The following NXPH1 variants were observed in gnomAD, a reference collection of about 807,000 sequenced individuals.
NXPH1 encodes the protein neurexophilin 1.
A neutral mutation model predicts 23.7 loss-of-function variants in NXPH1; 5 were observed. The ratio of observed to expected loss-of-function variants is 0.21; its 90% confidence interval spans 0.11 to 0.44. The LOEUF (loss-of-function observed/expected upper bound fraction) is 0.44, where lower values mean the gene tolerates loss of function less well. NXPH1 is among the 20% of genes least tolerant of loss of function. NXPH1 has a pLI of 0.99. For synonymous variants in NXPH1, 144 were observed against 122.2 expected (o/e 1.18, Z -1.18); for missense variants, 324 against 321.6 (o/e 1.01, Z -0.06).
At chr7:8,548,176 T>C (rs1434008641) in intron 2 of NXPH1, among the ~76,000 whole-genome samples, 1 of 151,498 alleles carries the variant, frequency 6.6e-6, no homozygotes, top group Non-Finnish European at 1.5e-5. Context: ...GAAGTTGACC[T>C]GTTTGAAATC....
At chr7:8,567,325 C>T (rs1290619812) in intron 2 of NXPH1, among the ~76,000 whole-genome samples, 2 of 151,856 alleles carry the variant, frequency 1.3e-5, no homozygotes, top group Admixed American at 6.6e-5. Context: ...CATGTTTGCG[C>T]CTCTGGTCAA....
chr7:8,689,355 C>T (rs1821193787), intron 2 of NXPH1, among the ~76,000 whole-genome samples: 2 of 151,152 alleles, frequency 1.3e-5, no homozygotes, highest in African/African-American at 2.4e-5. Context: ...AGTCAGCTCG[C>T]TGGCAGGAAA....
At chr7:8,725,133 A>G (rs560575665) in intron 2 of NXPH1, among the ~76,000 whole-genome samples, 6 of 152,312 alleles carry the variant, frequency 3.9e-5, no homozygotes, top group Non-Finnish European at 7.3e-5. Flanking sequence ...TAGTTTTCTT[A>G]TAGAAATAGT....
intron 2 of NXPH1, among the ~76,000 whole-genome samples, chr7:8,665,287 C>G (rs965791237): frequency 2.6e-5 from 4 of 151,912 alleles, no homozygotes; most frequent in Admixed American, 2.0e-4. Context: ...TGTCCTTTCC[C>G]CATTGTGTGT....
intron 2 of NXPH1, among the ~76,000 whole-genome samples, chr7:8,612,222 CT>C (rs200847778): frequency 6.7e-6 from 1 of 148,744 alleles, no homozygotes; most frequent in Non-Finnish European, 1.5e-5. Flanking sequence ...CTTTTTCTTT[CT>C]TTTTTTTACA....
intron 2 of NXPH1, among the ~76,000 whole-genome samples, chr7:8,702,877 A>T (rs1583237301): frequency 6.6e-6 from 1 of 152,058 alleles, no homozygotes; most frequent in East Asian, 1.9e-4. Flanking sequence ...TTCATATAAA[A>T]TATGTGCTCA....
At chr7:8,453,520 G>T (rs181448476) in intron 2 of NXPH1, among the ~76,000 whole-genome samples, 2 of 152,122 alleles carry the variant, frequency 1.3e-5, no homozygotes, top group African/African-American at 2.4e-5. Flanking sequence ...CTCATGAGTT[G>T]TAAAGAACCA....
At chr7:8,458,883 T>G (rs1816643032) in intron 2 of NXPH1, among the ~76,000 whole-genome samples, 2 of 152,174 alleles carry the variant, frequency 1.3e-5, no homozygotes, top group South Asian at 4.1e-4. Flanking sequence ...TTTACACAAC[T>G]GTTTGAAAAG....
At chr7:8,446,743 A>G (rs910107895) in intron 2 of NXPH1, among the ~76,000 whole-genome samples, 11 of 152,006 alleles carry the variant, frequency 7.2e-5, no homozygotes, top group Non-Finnish European at 1.0e-4. Flanking sequence ...AAATTCCACT[A>G]TGATTTCCTT....
intron 2 of NXPH1, among the ~76,000 whole-genome samples, chr7:8,504,338 C>A (rs1817487183): frequency 6.6e-6 from 1 of 151,966 alleles, no homozygotes; most frequent in East Asian, 1.9e-4. Flanking sequence ...TCCTTTCTTT[C>A]ATTTTGTTTA....
chr7:8,557,851 G>A (rs1254960785), intron 2 of NXPH1, among the ~76,000 whole-genome samples: 1 of 151,632 alleles, frequency 6.6e-6, no homozygotes, highest in African/African-American at 2.4e-5. Flanking sequence ...ACATTCTGCA[G>A]ATTTAGTACC....
At position 8,620,922 on chromosome 7, in the gene NXPH1, A is replaced by G. The variant is rs555003325; in HGVS notation, c.55-130086A>G. Among the ~76,000 whole-genome samples the G allele has an allele frequency of 2.2e-4, 34 of 152,244 alleles. 1 individual carries two copies. In the South Asian group the frequency reaches 5.8e-3, roughly 26 times the overall value. On this transcript the variant is annotated intron_variant, in intron 2 of 2. Transcript: ENST00000405863. ...TCTCCCTTTGAAAAGGTAATTCATAACCTATGAATAAAAACGCTCTCTCTA... is the reference window on the plus strand; with the variant it reads ...TCTCCCTTTGAAAAGGTAATTCATAGCCTATGAATAAAAACGCTCTCTCTA...
intron 2 of NXPH1, among the ~76,000 whole-genome samples, chr7:8,710,447 C>A (rs1171640322): frequency 6.6e-6 from 1 of 152,086 alleles, no homozygotes; most frequent in Non-Finnish European, 1.5e-5. Context: ...CTGTCTTCTG[C>A]AACTCATATT....
intron 2 of NXPH1, among the ~76,000 whole-genome samples, chr7:8,729,811 A>G (rs1412476313): frequency 2.0e-5 from 3 of 152,066 alleles, no homozygotes; most frequent in Non-Finnish European, 4.4e-5. Context: ...ATAAATGTAT[A>G]TTCTGTTGAT....
intron 2 of NXPH1, among the ~76,000 whole-genome samples, chr7:8,515,701 T>C (rs1004001269): frequency 6.6e-6 from 1 of 152,198 alleles, no homozygotes; most frequent in African/African-American, 2.4e-5. Context: ...TTTGGAATCA[T>C]TGTTGAGAAA....
chr7:8,446,717 C>G (rs1816410223), intron 2 of NXPH1, among the ~76,000 whole-genome samples: 1 of 152,068 alleles, frequency 6.6e-6, no homozygotes, highest in Non-Finnish European at 1.5e-5. Flanking sequence ...GTGTATAGAT[C>G]TCTAAGAAAT....
intron 2 of NXPH1, among the ~76,000 whole-genome samples, chr7:8,615,985 T>C (rs1193322496): frequency 6.6e-6 from 1 of 152,074 alleles, no homozygotes; most frequent in Non-Finnish European, 1.5e-5. Flanking sequence ...TTAAAGCTTA[T>C]TCTCCGCATA....
rs1780565012 is a variant in NXPH1, at chr7:8,751,517, T to C, written c.564T>C (p.Asp188=). The C allele has an allele frequency of 2.5e-6, 4 of 1,613,566 alleles. No individual in the cohort carries two copies. The African/African-American group carries it at 5.3e-5, about 22-fold the overall frequency. ...LAQQTVIDAK[D]SKSFNCRIEY... ...AACAAACCGTGATTGATGCCAAAGA[T>C]TCCAAGTCTTTTAATTGTCGCATTG... Residue 188 remains aspartate, a synonymous_variant, in exon 3 of 3, where the codon GAT becomes GAC. Transcript: ENST00000405863. This position sits in a 1 kb window ranked among gnomAD's most constrained non-coding sequence, Gnocchi z 4.5.
intron 2 of NXPH1, among the ~76,000 whole-genome samples, chr7:8,703,710 ACTC>A (rs931861794): frequency 6.6e-6 from 1 of 151,896 alleles, no homozygotes; most frequent in Non-Finnish European, 1.5e-5. Context: ...AAAAGGGCAA[ACTC>A]CTTTCTTTAA....
Sources: gnomAD v4.1 joint callset for allele counts (sites outside exome capture counted in the v4.1 genomes callset) on GRCh38, gnomAD v4.1.1 for gene constraint, Gnocchi (gnomAD v3.1) non-coding constraint, MANE v1.5 for transcripts, NCBI Gene and HGNC (gene_info 2026-07-23, HGNC 2026-07-21) for gene names.